WDR70: variants seen among roughly 807,000 people sequenced by gnomAD.
WDR70 encodes the protein WD repeat-containing protein 70.
A neutral mutation model predicts 88.6 loss-of-function variants in WDR70; 53 were observed. The observed-to-expected ratio is 0.60, with a 90% CI of 0.48 to 0.75. The LOEUF is 0.75. WDR70 is among the 30% of genes least tolerant of loss of function. WDR70 has a pLI of 0.00. For synonymous variants in WDR70, 280 were observed against 270.0 expected (o/e 1.04, Z -0.36); for missense variants, 610 against 823.2 (o/e 0.74, Z 3.17).
At chr5:37,441,354 CATAA>C (rs1411861796) in intron 6 of WDR70, among the ~76,000 whole-genome samples, 2 of 151,966 alleles carry the variant, frequency 1.3e-5, no homozygotes, top group Non-Finnish European at 2.9e-5. Context: ...CTAATTTTAA[CATAA>C]GTATTATTAT....
intron 7 of WDR70, among the ~76,000 whole-genome samples, chr5:37,452,624 A>T (rs752154817): frequency 6.6e-6 from 1 of 152,202 alleles, no homozygotes; most frequent in Non-Finnish European, 1.5e-5. Flanking sequence ...GAATCCACAC[A>T]TGCCTATAAC....
At chr5:37,651,467 T>G (rs1234491733) in intron 10 of WDR70, among the ~76,000 whole-genome samples, 4 of 152,216 alleles carry the variant, frequency 2.6e-5, no homozygotes, top group Admixed American at 6.5e-5. Context: ...TATAATCCTT[T>G]GGGTAAATAC....
intron 3 of WDR70, among the ~76,000 whole-genome samples, chr5:37,383,284 G>T (rs907924319): frequency 1.1e-4 from 17 of 152,082 alleles, no homozygotes; most frequent in Non-Finnish European, 2.4e-4. Flanking sequence ...ATTTGAGACG[G>T]AGGCCTGCTC....
chr5:37,557,915 A>AAAGAGTACTCTTTTGAAAT (rs1742343399), intron 9 of WDR70, among the ~76,000 whole-genome samples: 2 of 135,418 alleles, frequency 1.5e-5, no homozygotes, highest in African/African-American at 5.2e-5. Flanking sequence ...TCTTTTGAAA[A>AAAGAGTACTCTTTTGAAAT]CTCTTCAAAA....
At position 37,563,114 on chromosome 5, in the gene WDR70, G is replaced by GC. The variant is rs1235558710; in HGVS notation, c.918-41949dup. On this transcript the variant is annotated intron_variant, in intron 9 of 17. Coordinates refer to ENST00000265107, the MANE Select transcript of WDR70 (RefSeq NM_018034.4). ...GCCTCCCTCCCGGACGGGGCGGCTGGCTGGGCGGGGGGCTGACCTCCCGGC... is the reference window on the plus strand; with the variant it reads ...GCCTCCCTCCCGGACGGGGCGGCTGGCCTGGGCGGGGGGCTGACCTCCCGGC... Among the ~76,000 whole-genome samples the GC allele has an allele frequency of 7.4e-5, 5 of 67,874 alleles. 1 individual carries two copies. Among genetic ancestry groups the GC allele is most frequent in the Non-Finnish European group, 1.1e-4 (3 of 26,984 alleles). 44.5% of individuals were successfully genotyped at this position (67,874 alleles called of 152,430 possible).
intron 9 of WDR70, among the ~76,000 whole-genome samples, chr5:37,525,261 G>T (rs1163978868): frequency 1.6e-4 from 24 of 152,136 alleles, no homozygotes. Flanking sequence ...TAAAAGAACA[G>T]AAATTATAAA....
intron 10 of WDR70, among the ~76,000 whole-genome samples, chr5:37,616,263 C>T (rs771625441): frequency 1.8e-4 from 28 of 152,000 alleles, no homozygotes; most frequent in Non-Finnish European, 3.2e-4. Flanking sequence ...ACTACAGTCG[C>T]GCGCCACCAT....
chr5:37,751,795 G>T (rs548054425), intron 17 of WDR70, among the ~76,000 whole-genome samples: 1 of 152,292 alleles, frequency 6.6e-6, no homozygotes, highest in African/African-American at 2.4e-5. Context: ...TGTGAGTAGT[G>T]TGAAAAGGGA....
chr5:37,483,021 C>T (rs955508643), intron 8 of WDR70, among the ~76,000 whole-genome samples: 12 of 150,258 alleles, frequency 8.0e-5, no homozygotes, highest in African/African-American at 2.9e-4. Context: ...AGCCACTAGC[C>T]ACTGAACTCC....
At chr5:37,415,696 G>A (rs1749710572) in intron 5 of WDR70, among the ~76,000 whole-genome samples, 2 of 150,654 alleles carry the variant, frequency 1.3e-5, no homozygotes, top group African/African-American at 4.9e-5. Flanking sequence ...CGGGCGGAGG[G>A]GCTCCTCACT....
At position 37,466,875 on chromosome 5, in the gene WDR70, T is replaced by C. The variant is rs558006058; in HGVS notation, c.687-12959T>C. On this transcript the variant is annotated intron_variant, in intron 7 of 17. Transcript: ENST00000265107. The stretch of plus-strand genomic sequence containing the variant: ...CTGTTGGATAGTGCTGATCTGTAGC[T>C]TATAGGATGGTATCTTAGTCTGCTT... Among the ~76,000 whole-genome samples, 13 of 152,204 alleles carry C rather than the reference T, an allele frequency of 8.5e-5. 1 individual carries two copies. The South Asian group carries it at 2.5e-3, about 29-fold the overall frequency.
At chr5:37,575,473 T>C (rs1743025865) in intron 9 of WDR70, among the ~76,000 whole-genome samples, 1 of 152,186 alleles carries the variant, frequency 6.6e-6, no homozygotes, top group South Asian at 2.1e-4. Flanking sequence ...CTTTAAGCTC[T>C]ACCCCCATCC....
At chr5:37,400,536 C>T (rs900137831) in intron 5 of WDR70, among the ~76,000 whole-genome samples, 3 of 152,182 alleles carry the variant, frequency 2.0e-5, no homozygotes, top group Non-Finnish European at 4.4e-5. Context: ...ACTAACTCCT[C>T]CTCTCCCACG....
intron 13 of WDR70, among the ~76,000 whole-genome samples, chr5:37,720,737 A>G (rs1747784328): frequency 6.6e-6 from 1 of 152,212 alleles, no homozygotes; most frequent in South Asian, 2.1e-4. Context: ...GACATATTGT[A>G]TGTGTGTAAG....
chr5:37,652,193 G>A (rs1455074380), intron 10 of WDR70, among the ~76,000 whole-genome samples: 1 of 152,150 alleles, frequency 6.6e-6, no homozygotes, highest in Non-Finnish European at 1.5e-5. Context: ...TATTACATAG[G>A]GAATCCTTTC....
chr5:37,398,620 A>C (rs1187841692), intron 5 of WDR70, among the ~76,000 whole-genome samples: 1 of 152,176 alleles, frequency 6.6e-6, no homozygotes, highest in Non-Finnish European at 1.5e-5. Flanking sequence ...TCAATTTTGT[A>C]CATTTTTCTT....
chr5:37,592,522 T>A lies in WDR70; in HGVS notation c.918-12542T>A, dbSNP rs1458421939. On this transcript the variant is annotated intron_variant, in intron 9 of 17. Transcript: ENST00000265107. ...GCATCACCAGAATACGTGTATCAACTGTTACACAGTAGCAACAACAAACAG... is the reference window on the plus strand; with the variant it reads ...GCATCACCAGAATACGTGTATCAACAGTTACACAGTAGCAACAACAAACAG... Among the ~76,000 whole-genome samples, 6 of 152,254 alleles carry A rather than the reference T, an allele frequency of 3.9e-5. No homozygotes were observed. In the East Asian group the frequency reaches 1.2e-3, roughly 29 times the overall value.
chr5:37,588,158 A>G (rs1353918215), intron 9 of WDR70, among the ~76,000 whole-genome samples: 1 of 152,202 alleles, frequency 6.6e-6, no homozygotes, highest in Non-Finnish European at 1.5e-5. Context: ...TACATCTAGT[A>G]TAGAATTTTA....
intron 13 of WDR70, among the ~76,000 whole-genome samples, chr5:37,706,563 A>G (rs549794126): frequency 6.6e-6 from 1 of 152,294 alleles, no homozygotes; most frequent in Admixed American, 6.5e-5. Flanking sequence ...CTTGCCTGCC[A>G]CCATGTAAGA....
Sources: allele counts gnomAD v4.1 joint callset (sites outside exome capture counted in the v4.1 genomes callset), GRCh38; gene constraint gnomAD v4.1.1; transcripts MANE v1.5; gene names NCBI Gene and HGNC (gene_info 2026-07-23, HGNC 2026-07-21).